PTPRS: variants seen among roughly 807,000 people sequenced by gnomAD.
PTPRS encodes receptor-type tyrosine-protein phosphatase S.
A neutral mutation model predicts 215.3 loss-of-function variants in PTPRS; 63 were observed. The ratio of observed to expected loss-of-function variants is 0.29; its 90% CI spans 0.24 to 0.36. The LOEUF (loss-of-function observed/expected upper bound fraction) is 0.36, where lower values mean the gene tolerates loss of function less well. PTPRS is among the 10% of genes least tolerant of loss of function. The pLI, the probability that PTPRS is intolerant of heterozygous loss-of-function variation, is 1.00. For synonymous variants in PTPRS, 1,404 were observed against 1,191.4 expected, an observed-to-expected ratio of 1.18 and a Z score of -3.68; for missense variants, 2,258 against 2,825.8, an observed-to-expected ratio of 0.80 and a Z score of 4.56.
chr19:5,225,154 T>C (rs983386807), intron 17 of PTPRS, among the ~76,000 whole-genome samples: 3 of 151,188 alleles, frequency 2.0e-5, no homozygotes, highest in African/African-American at 7.3e-5. Flanking sequence ...GAAGGGACAA[T>C]GGAGGGGCTA....
At chr19:5,234,265 G>T (rs982436236) in intron 13 of PTPRS, among the ~76,000 whole-genome samples, 1 of 152,158 alleles carries the variant, frequency 6.6e-6, no homozygotes, top group African/African-American at 2.4e-5. Context: ...CATCCAATTG[G>T]CCTCACTTGA....
At chr19:5,290,549 G>C (rs993210810) in intron 1 of PTPRS, among the ~76,000 whole-genome samples, 1 of 152,116 alleles carries the variant, frequency 6.6e-6, no homozygotes, top group Non-Finnish European at 1.5e-5. Flanking sequence ...GACCCAGGCC[G>C]GGCAGCAAAC....
intron 1 of PTPRS, among the ~76,000 whole-genome samples, chr19:5,327,159 T>C (rs2050191553): frequency 1.3e-5 from 2 of 152,028 alleles, no homozygotes; most frequent in African/African-American, 4.8e-5. Context: ...GCCAATCTGC[T>C]CTCCGCACTG....
At chr19:5,278,604 A>G (rs1346718267) in intron 2 of PTPRS, among the ~76,000 whole-genome samples, 1 of 151,840 alleles carries the variant, frequency 6.6e-6, no homozygotes, top group African/African-American at 2.4e-5. Flanking sequence ...CAGCCGCCCA[A>G]GTAGCTGGGA....
rs776516569 is a variant in PTPRS, at chr19:5,221,232, G to T, written c.3223C>A (p.Leu1075Met). ...TTGGTGGTACGGCCATCCACATCCA[G>T]TGTGAGCCCATTGTACTGGATCTGC... ...PYKIQYNGLT[L>M]DVDGRTTKKL... The change falls in exon 20 of 38, where the codon CTG (leucine) becomes ATG (methionine). Residue 1075 changes from leucine (L) to methionine (M), a missense_variant. Physicochemically the swap from Leu to Met is conservative, Grantham distance 15. This residue lies in a region of PTPRS where 927 missense variants were observed against 1,125.9 expected (regional missense o/e 0.82). Coordinates refer to ENST00000262963, the MANE Select transcript of PTPRS (RefSeq NM_002850.4). 4 of 1,613,640 alleles carry T rather than the reference G, an allele frequency of 2.5e-6. No individual in the cohort carries two copies. The Admixed American group carries it at 5.0e-5, about 20-fold the overall frequency.
intron 1 of PTPRS, among the ~76,000 whole-genome samples, chr19:5,311,808 A>T (rs2049712551): frequency 6.6e-6 from 1 of 152,080 alleles, no homozygotes; most frequent in Admixed American, 6.6e-5. Flanking sequence ...TGGGAGGCTG[A>T]GGTGGGTGGA....
chr19:5,270,650 T>C (rs77972996), intron 4 of PTPRS, among the ~76,000 whole-genome samples: 1 of 151,948 alleles, frequency 6.6e-6, no homozygotes, highest in East Asian at 1.9e-4. Context: ...TTCTTTTTTT[T>C]CTTTTGAGAT....
chr19:5,254,732 G>T (rs2045422095), intron 9 of PTPRS, among the ~76,000 whole-genome samples: 1 of 152,216 alleles, frequency 6.6e-6, no homozygotes, highest in Non-Finnish European at 1.5e-5. Context: ...CAGAGTCTGA[G>T]AGGGGATGGG....
Position 5,206,766 on chromosome 19 carries a change from C to T in PTPRS, c.*8G>A, listed in dbSNP as rs200214192. ...CCAGTGGTGTCGGGCCTGGGGGGAA[C>T]CATGGCTTTAGGTTGCATAGTGGTC... is the stretch of plus-strand genomic sequence containing the variant. On this transcript the variant is annotated 3_prime_UTR_variant, in exon 38 of 38. Coordinates refer to ENST00000262963, the MANE Select transcript of PTPRS (RefSeq NM_002850.4). The T allele has an allele frequency of 5.6e-6, 9 of 1,613,426 alleles. No individual in the cohort carries two copies. The East Asian group carries it at 2.0e-4, about 36-fold the overall frequency.
intron 1 of PTPRS, among the ~76,000 whole-genome samples, chr19:5,288,799 A>G (rs1346330045): frequency 6.6e-6 from 1 of 152,188 alleles, no homozygotes; most frequent in Non-Finnish European, 1.5e-5. Context: ...CCCACATCCC[A>G]CGAGGACCTC....
In PTPRS at chr19:5,248,345, A is replaced by T. The variant is rs141363750; in HGVS notation, c.719-2300T>A. ...GAGAATCTAAAAAACAAACAAACGA[A>T]AAAACTCCCTCCAAAACAAAACACA... On this transcript the variant is annotated intron_variant, in intron 9 of 37. Transcript: ENST00000262963. 2.7e-3 allele frequency among the ~76,000 whole-genome samples: 409 copies of T among 152,234 alleles called. 5 individuals carry two copies. Among genetic ancestry groups the T allele is most frequent in the African/African-American group, 9.3e-3 (388 of 41,534 alleles).
intron 33 of PTPRS, 50 bp downstream of exon 33, chr19:5,211,540 A>G: frequency 1.3e-6 from 2 of 1,563,544 alleles, no homozygotes; most frequent in Non-Finnish European, 1.7e-6. Context: ...TCTTGAGAGT[A>G]GAGATGGGCT....
At chr19:5,264,924 TC>T in intron 5 of PTPRS, 83 bp downstream of exon 5, 1 of 1,458,896 alleles carries the variant, frequency 6.9e-7, no homozygotes. Flanking sequence ...CCTCCAGTAG[TC>T]CCCAGAACTT....
intron 35 of PTPRS, among the ~76,000 whole-genome samples, chr19:5,209,627 C>G (rs1224556945): frequency 1.3e-5 from 2 of 152,212 alleles, no homozygotes; most frequent in Non-Finnish European, 2.9e-5. Flanking sequence ...ATTTTCTCCA[C>G]CCCCTGCTGG....
rs1383035813 is a variant in PTPRS, at chr19:5,287,498, AG to A, written c.-94-1265del. On this transcript the variant is annotated intron_variant, in intron 1 of 37. Transcript: ENST00000262963. The surrounding 1 kb of genome is among the most constrained non-coding windows in gnomAD (Gnocchi z 4.8). ...TCCACTCTGTCCAGAGCCAGGTCAG[AG>A]GGCCAGGGAGGGGAAGGGAGAGGCC... Among the ~76,000 whole-genome samples the A allele has an allele frequency of 6.6e-6, 1 of 152,180 alleles. No homozygotes were observed. The highest frequency in any genetic ancestry group is 1.5e-5 in the Non-Finnish European group (1 of 68,018).
Position 5,266,280 on chromosome 19 carries a change from A to G in PTPRS, c.380-1084T>C, listed in dbSNP as rs530098657. 5.9e-5 allele frequency among the ~76,000 whole-genome samples: 9 copies of G among 152,102 alleles called. No homozygotes were observed. The South Asian group carries it at 1.9e-3, about 32-fold the overall frequency. ...TCTCAAAAAAAATCAAACTAAAAAT[A>G]AAAATAAAATAAATAAAATATAGAG... On this transcript the variant is annotated intron_variant, in intron 4 of 37. Transcript: ENST00000262963.
rs775142021 is a variant in PTPRS, at chr19:5,208,380, G to C, written c.5499C>G (p.Ser1833=). 7.5e-6 allele frequency: 12 copies of C among 1,600,488 alleles called. No individual in the cohort carries two copies. The highest frequency in any genetic ancestry group is 1.0e-5 in the Non-Finnish European group (12 of 1,173,058). Residue 1833 remains serine, a synonymous_variant, in exon 36 of 38, where the codon TCC becomes TCG. Transcript: ENST00000262963. ...TGAACTGGAACTGCCGGACAGTCCG[G>C]GACTGGCCATCCTAGAGTGCAGAGA... ...FKVTDARDGQ[S]RTVRQFQFTD...
At chr19:5,233,213 GC>G (rs1396137950) in intron 13 of PTPRS, among the ~76,000 whole-genome samples, 2 of 150,860 alleles carry the variant, frequency 1.3e-5, no homozygotes, top group African/African-American at 4.9e-5. Flanking sequence ...AGGCACCGTG[GC>G]AAGGGGAACA....
intron 9 of PTPRS, among the ~76,000 whole-genome samples, chr19:5,248,999 G>A (rs1420175388): frequency 1.3e-5 from 2 of 152,212 alleles, no homozygotes; most frequent in African/African-American, 4.8e-5. Context: ...CCTTAAGGGA[G>A]TTCAGGGATG....
Sources: gnomAD v4.1 joint callset for allele counts (sites outside exome capture counted in the v4.1 genomes callset) on GRCh38, gnomAD v4.1.1 for gene constraint, gnomAD v4.1.1 regional missense constraint, Gnocchi (gnomAD v3.1) non-coding constraint, MANE v1.5 for transcripts, NCBI Gene and HGNC (gene_info 2026-07-23, HGNC 2026-07-21) for gene names.